The following ANKDD1A variants were observed in gnomAD, a reference collection of about 807,000 sequenced individuals.
ANKDD1A encodes ankyrin repeat and death domain-containing protein 1A.
ANKDD1A carries 59 observed loss-of-function variants against 63.5 expected under a neutral mutation model. That is an observed-to-expected ratio of 0.93 (90% confidence interval 0.75 to 1.15). ANKDD1A has a LOEUF of 1.15. Among genes scored for constraint, ANKDD1A ranks in the 50% most tolerant of loss-of-function variants. The pLI, the probability that ANKDD1A is intolerant of heterozygous loss-of-function variation, is 0.00. For missense variants in ANKDD1A, 632 were observed against 656.4 expected (o/e 0.96, Z 0.41); for synonymous variants, 266 against 263.9 (o/e 1.01, Z -0.08).
intron 8 of ANKDD1A, among the ~76,000 whole-genome samples, chr15:64,933,348 G>T (rs540752439): frequency 1.3e-5 from 2 of 152,304 alleles, no homozygotes; most frequent in African/African-American, 4.8e-5. Context: ...GGGCCTGCCT[G>T]GTGTGTGCCT....
chr15:64,940,557 C>G, intron 9 of ANKDD1A, among the ~76,000 whole-genome samples: 1 of 151,442 alleles, frequency 6.6e-6, no homozygotes, highest in Non-Finnish European at 1.5e-5. Context: ...CTCAGCCTCC[C>G]GAGTAGCTGG....
At chr15:64,951,334 TTC>T (rs1555366883) in intron 14 of ANKDD1A, 1 of 684,550 alleles carries the variant, frequency 1.5e-6, no homozygotes, top group Admixed American at 1.1e-4. Flanking sequence ...TTTCCTCTTT[TTC>T]TTTCTTCTTT....
At chr15:64,915,973 G>C in intron 2 of ANKDD1A, 73 bp downstream of exon 2, 2 of 1,428,910 alleles carry the variant, frequency 1.4e-6, no homozygotes, top group Non-Finnish European at 1.9e-6. Context: ...AGGGGGAATA[G>C]TTTATCTGAG....
At chr15:64,915,938 T>A (rs1362553108) in intron 2 of ANKDD1A, 38 bp downstream of exon 2, 2 of 1,591,066 alleles carry the variant, frequency 1.3e-6, no homozygotes, top group Admixed American at 1.7e-5. Context: ...GCACCTGGGA[T>A]AGTGTCACGA....
Position 64,917,519 on chromosome 15 carries a change from G to GTGTC in ANKDD1A, c.267+23_267+26dup, listed in dbSNP as rs3057940. 0.41 allele frequency: 625,427 copies of GTGTC among 1,528,470 alleles called. 127,771 individuals are homozygous for GTGTC. The highest frequency in any genetic ancestry group is 0.63 in the South Asian group (50,190 of 79,540). 94.7% of individuals were successfully genotyped at this position (1,528,470 alleles called of 1,614,324 possible). A position where few individuals can be genotyped will look rare whatever the true frequency, so the allele number is the denominator to read the frequency against. ...CTCACAGAGGCACGTCTGTGTGTACGTGTCTGTCTGTCTGTCTGTCTCAGG... is the reference window on the plus strand; with the variant it reads ...CTCACAGAGGCACGTCTGTGTGTACGTGTCTGTCTGTCTGTCTGTCTGTCTCAGG... On this transcript the variant is annotated splice_donor_region_variant and intron_variant, in intron 3 of 14. Transcript: ENST00000319580.
At chr15:64,922,867 A>G (rs1035336028) in intron 4 of ANKDD1A, among the ~76,000 whole-genome samples, 2 of 152,218 alleles carry the variant, frequency 1.3e-5, no homozygotes, top group African/African-American at 2.4e-5. Context: ...TTTGTCACTA[A>G]TAGAAAATTT....
intron 9 of ANKDD1A, among the ~76,000 whole-genome samples, chr15:64,934,725 C>T (rs2085115429): frequency 6.8e-6 from 1 of 147,724 alleles, no homozygotes; most frequent in African/African-American, 2.5e-5. Context: ...ACCATGTTGG[C>T]CAGGCTGGTC....
At chr15:64,953,565 C>CCCT (rs2085347195) in intron 14 of ANKDD1A, among the ~76,000 whole-genome samples, 1 of 125,140 alleles carries the variant, frequency 8.0e-6, no homozygotes, top group Non-Finnish European at 1.8e-5. Context: ...CTTTCTTCCT[C>CCCT]CTTCTTCTTA....
chr15:64,929,687 C>A (rs972952724), intron 6 of ANKDD1A, among the ~76,000 whole-genome samples: 1 of 152,208 alleles, frequency 6.6e-6, no homozygotes, highest in Admixed American at 6.5e-5. Flanking sequence ...ACCTGAAGAC[C>A]CTCCTACATT....
At chr15:64,954,710 CTTCTCCTT>C (rs1595861638) in intron 14 of ANKDD1A, among the ~76,000 whole-genome samples, 80 of 96,830 alleles carry the variant, frequency 8.3e-4, no homozygotes, top group South Asian at 1.5e-3. Context: ...TCTCCTTCTT[CTTCTCCTT>C]CTCCTCCTCC....
At chr15:64,929,091 G>T (rs1406789186) in intron 6 of ANKDD1A, among the ~76,000 whole-genome samples, 1 of 152,226 alleles carries the variant, frequency 6.6e-6, no homozygotes, top group Non-Finnish European at 1.5e-5. Flanking sequence ...GCAGGCTATA[G>T]GCTGCAGAGA....
intron 14 of ANKDD1A, chr15:64,950,711 G>A: frequency 1.2e-6 from 1 of 840,464 alleles, no homozygotes; most frequent in South Asian, 6.5e-5. Context: ...GCATATTATT[G>A]AGGGAAAAGA....
At chr15:64,939,493 T>C (rs2085163038) in intron 9 of ANKDD1A, among the ~76,000 whole-genome samples, 1 of 152,140 alleles carries the variant, frequency 6.6e-6, no homozygotes, top group Non-Finnish European at 1.5e-5. Context: ...CACGTGCCTG[T>C]AGTCCCTGTT....
chr15:64,915,947 G>C lies in ANKDD1A; in HGVS notation c.138+47G>C, dbSNP rs776240512. ...ATCCAGGCACCTGGGATAGTGTCACGATAATGCCAGTACACAGGGGGAATA... is the reference window on the plus strand; with the variant it reads ...ATCCAGGCACCTGGGATAGTGTCACCATAATGCCAGTACACAGGGGGAATA... On this transcript the variant is annotated intron_variant, in intron 2 of 14. Transcript: ENST00000319580. The C allele has an allele frequency of 6.4e-6, 10 of 1,558,020 alleles. No homozygotes were observed. In the South Asian group the frequency reaches 9.2e-5, roughly 14 times the overall value.
intron 10 of ANKDD1A, 104 bp downstream of exon 10, chr15:64,942,669 T>A: frequency 5.2e-6 from 3 of 575,072 alleles, no homozygotes; most frequent in South Asian, 2.7e-5. Context: ...AGTTGAGGAA[T>A]CACTTTTTTT....
intron 8 of ANKDD1A, among the ~76,000 whole-genome samples, chr15:64,933,528 T>A (rs2085105601): frequency 6.6e-6 from 1 of 152,098 alleles, no homozygotes; most frequent in African/African-American, 2.4e-5. Context: ...TATTGGCAAA[T>A]CTTATTTGTC....
At chr15:64,916,003 C>T in intron 2 of ANKDD1A, 103 bp downstream of exon 2, 1 of 1,119,510 alleles carries the variant, frequency 8.9e-7, no homozygotes. Flanking sequence ...GGCACATTTG[C>T]ATGTGTAAAC....
chr15:64,952,480 TCTTC>T (rs2085309556), intron 14 of ANKDD1A, among the ~76,000 whole-genome samples: 2 of 146,400 alleles, frequency 1.4e-5, no homozygotes, highest in Non-Finnish European at 1.5e-5. Flanking sequence ...TTCTCCTTCT[TCTTC>T]CTTCGTCACC....
At chr15:64,939,673 G>A (rs1312287265) in intron 9 of ANKDD1A, among the ~76,000 whole-genome samples, 1 of 152,174 alleles carries the variant, frequency 6.6e-6, no homozygotes, top group Non-Finnish European at 1.5e-5. Context: ...GCTTCACAAA[G>A]AAGGGTGGGA....
Sources: allele counts gnomAD v4.1 joint callset (sites outside exome capture counted in the v4.1 genomes callset), GRCh38; gene constraint gnomAD v4.1.1; transcripts MANE v1.5; gene names NCBI Gene and HGNC (gene_info 2026-07-23, HGNC 2026-07-21).